The following GOSR1 variants were observed in gnomAD, a reference collection of about 807,000 sequenced individuals.
The protein encoded by GOSR1 is 28 kDa Golgi SNARE protein.
A neutral mutation model predicts 35.5 loss-of-function variants in GOSR1; 21 were observed. The observed-to-expected ratio is 0.59, with a 90% CI of 0.42 to 0.85. GOSR1 has a LOEUF of 0.85. Ranked by LOEUF, GOSR1 falls within the 40% of genes least tolerant of loss-of-function variation. The pLI, the probability that GOSR1 is intolerant of heterozygous loss-of-function variation, is 0.00. For synonymous variants in GOSR1, 94 were observed against 106.6 expected (o/e 0.88, Z 0.73); for missense variants, 285 against 309.6 (o/e 0.92, Z 0.60).
intron 6 of GOSR1, among the ~76,000 whole-genome samples, chr17:30,501,041 C>T (rs1414988904): frequency 2.6e-5 from 4 of 151,946 alleles, no homozygotes; most frequent in South Asian, 2.1e-4. Flanking sequence ...CCACGACGCC[C>T]GGCTAATTTT....
At chr17:30,490,261 T>C (rs566145369) in intron 5 of GOSR1, 44 bp downstream of exon 5, 1 of 1,026,590 alleles carries the variant, frequency 9.7e-7, no homozygotes, top group Non-Finnish European at 1.5e-6. Flanking sequence ...TTATTCAGAT[T>C]TGGCTTTAGG....
At chr17:30,487,601 T>G (rs1914754707) in intron 4 of GOSR1, among the ~76,000 whole-genome samples, 1 of 152,234 alleles carries the variant, frequency 6.6e-6, no homozygotes, top group African/African-American at 2.4e-5. Flanking sequence ...TTTTCACATG[T>G]CAGATTAGCA....
intron 6 of GOSR1, among the ~76,000 whole-genome samples, chr17:30,500,453 C>T (rs1219038077): frequency 1.3e-5 from 2 of 152,030 alleles, no homozygotes; most frequent in Non-Finnish European, 2.9e-5. Context: ...CATGTATATT[C>T]CATTGTTTCA....
rs546458577 is a variant in GOSR1 at position 30,481,869 on chromosome 17, C to T, written c.146+612C>T. On this transcript the variant is annotated intron_variant, in intron 2 of 8. Transcript: ENST00000451249. ...GAGTAGCCAGGCACAGTAGATGACGCGTGTAATCCCGGGACTTTAGGAGGT... is the reference window on the plus strand; with the variant it reads ...GAGTAGCCAGGCACAGTAGATGACGTGTGTAATCCCGGGACTTTAGGAGGT... 7.2e-5 allele frequency among the ~76,000 whole-genome samples: 11 copies of T among 152,100 alleles called. No individual in the cohort carries two copies. In the South Asian group the frequency reaches 2.1e-3, roughly 29 times the overall value.
intron 6 of GOSR1, chr17:30,495,496 C>T: frequency 6.6e-6 from 3 of 452,290 alleles, no homozygotes; most frequent in South Asian, 4.7e-5. Context: ...CTCATCTCTT[C>T]TGGATTCCTT....
intron 6 of GOSR1, among the ~76,000 whole-genome samples, chr17:30,510,335 A>G (rs1306198907): frequency 6.6e-6 from 1 of 151,948 alleles, no homozygotes; most frequent in Admixed American, 6.5e-5. Context: ...TGGCCTCCCA[A>G]AGTGCTGGGA....
chr17:30,492,992 A>ATTT (rs780089715), intron 6 of GOSR1, among the ~76,000 whole-genome samples: 1 of 140,968 alleles, frequency 7.1e-6, no homozygotes, highest in Non-Finnish European at 1.6e-5. Context: ...TATGGTTGTT[A>ATTT]TTTTTTTTTT....
At chr17:30,516,469 C>CAAAAAAAAAA (rs370736848) in intron 7 of GOSR1, among the ~76,000 whole-genome samples, 2 of 111,232 alleles carry the variant, frequency 1.8e-5, no homozygotes, top group East Asian at 2.6e-4. Context: ...GACTCCGTCT[C>CAAAAAAAAAA]AAACAAAAAA....
chr17:30,507,096 A>T (rs1255955917), intron 6 of GOSR1, among the ~76,000 whole-genome samples: 1 of 152,238 alleles, frequency 6.6e-6, no homozygotes, highest in Non-Finnish European at 1.5e-5. Flanking sequence ...GCCAGCCGAC[A>T]CAGCATTCAT....
intron 8 of GOSR1, 77 bp from the exon 9 acceptor site, chr17:30,522,177 C>T (rs912461275): frequency 1.7e-6 from 2 of 1,165,148 alleles, no homozygotes; most frequent in African/African-American, 3.1e-5. Flanking sequence ...CACCACTGAT[C>T]TCTATTTTTG....
Position 30,527,499 on chromosome 17 carries a change from C to T in GOSR1, c.*5121C>T, listed in dbSNP as rs192346410. Reference sequence around the variant, plus strand: ...ATAAAATGGTGATAAGGATGGCTACCATAATTGTGCCCTGATTATATTGTC... The same window carrying T: ...ATAAAATGGTGATAAGGATGGCTACTATAATTGTGCCCTGATTATATTGTC... On this transcript the variant is annotated 3_prime_UTR_variant, in exon 9 of 9. Coordinates refer to ENST00000451249, the MANE Select transcript of GOSR1 (RefSeq NM_001007025.2). 7.2e-5 allele frequency: 11 copies of T among 152,232 alleles called. No homozygotes were observed. The highest frequency in any genetic ancestry group is 1.5e-4 in the Non-Finnish European group (10 of 68,008). The allele number at this position is 152,232 out of a possible 1,614,324, so 9.4% of individuals were successfully genotyped here. A position where few individuals can be genotyped will look rare whatever the true frequency, so the allele number is the denominator to read the frequency against.
In GOSR1 at chr17:30,524,648, GCTC is replaced by G. The variant is rs1354665330; in HGVS notation, c.*2277_*2279del. On this transcript the variant is annotated 3_prime_UTR_variant, in exon 9 of 9. Transcript: ENST00000451249. ...ACCAGTGTCTGTCAGTGCCCCCACT[GCTC>G]CTCCTCATACCAGCATTGACACTGG... 6.6e-6 allele frequency: 1 copy of G among 152,086 alleles called. No homozygotes were observed. Among genetic ancestry groups the G allele is most frequent in the Non-Finnish European group, 1.5e-5 (1 of 68,024 alleles). 9.4% of individuals were successfully genotyped at this position (152,086 alleles called of 1,614,324 possible).
intron 1 of GOSR1, chr17:30,478,052 C>T (rs1914067517): frequency 5.1e-6 from 2 of 392,876 alleles, no homozygotes; most frequent in Non-Finnish European, 6.9e-6. Context: ...CCCTTCTGCT[C>T]TAGAGTCTAG....
At position 30,522,183 on chromosome 17, in the gene GOSR1, T is replaced by G. The variant is rs1165777138; in HGVS notation, c.623-71T>G. On this transcript the variant is annotated intron_variant, in intron 8 of 8. Transcript: ENST00000451249. The stretch of plus-strand genomic sequence containing the variant: ...GTTTCTAGACACCACTGATCTCTAT[T>G]TTTGTGATTCCTACGACTTTTCGCC... 3.9e-6 allele frequency: 5 copies of G among 1,290,468 alleles called. No individual in the cohort carries two copies. In the Admixed American group the frequency reaches 6.3e-5, roughly 16 times the overall value. 79.9% of individuals were successfully genotyped at this position (1,290,468 alleles called of 1,614,324 possible).
At chr17:30,496,448 G>T (rs576572891) in intron 6 of GOSR1, among the ~76,000 whole-genome samples, 1 of 152,254 alleles carries the variant, frequency 6.6e-6, no homozygotes, top group African/African-American at 2.4e-5. Flanking sequence ...GAAACCCTAG[G>T]CTACTGTGGC....
At chr17:30,504,268 C>G (rs1967322727) in intron 6 of GOSR1, among the ~76,000 whole-genome samples, 1 of 151,958 alleles carries the variant, frequency 6.6e-6, no homozygotes, top group Non-Finnish European at 1.5e-5. Context: ...CTCAGGTGAT[C>G]CACCTGCCTC....
chr17:30,516,354 C>G (rs1967810099), intron 7 of GOSR1, among the ~76,000 whole-genome samples: 1 of 151,722 alleles, frequency 6.6e-6, no homozygotes, highest in Admixed American at 6.6e-5. Context: ...CCTGTAGTCC[C>G]AGCTACTCAG....
At position 30,510,860 on chromosome 17, in the gene GOSR1, ATTTTTC is replaced by A; in HGVS notation, c.510-14_510-9del. The A allele has an allele frequency of 2.1e-6, 3 of 1,398,860 alleles. No individual in the cohort carries two copies. The highest frequency in any genetic ancestry group is 3.0e-6 in the Non-Finnish European group (3 of 992,374). 86.7% of individuals were successfully genotyped at this position (1,398,860 alleles called of 1,614,324 possible). ...TGCATTTAGTAAATTCAGAATTTGA[ATTTTTC>A]TTTTTATTTGCAGCTCAGATCGTCT... On this transcript the variant is annotated splice_polypyrimidine_tract_variant and intron_variant, in intron 6 of 8. Transcript: ENST00000451249.
At chr17:30,478,005 C>T (rs1430706249) in intron 1 of GOSR1, 1 of 815,234 alleles carries the variant, frequency 1.2e-6, no homozygotes, top group Non-Finnish European at 1.5e-6. Flanking sequence ...TTGGGGACTT[C>T]CAGGACTGGG....
Sources: allele counts gnomAD v4.1 joint callset (sites outside exome capture counted in the v4.1 genomes callset), GRCh38; gene constraint gnomAD v4.1.1; transcripts MANE v1.5; gene names NCBI Gene and HGNC (gene_info 2026-07-23, HGNC 2026-07-21).